DKK4: variants seen among roughly 807,000 people sequenced by gnomAD.
DKK4 encodes the protein dickkopf-related protein 4.
A neutral mutation model predicts 14.5 loss-of-function variants in DKK4; 15 were observed. The ratio of observed to expected loss-of-function variants is 1.03; its 90% CI spans 0.69 to 1.59. The LOEUF (loss-of-function observed/expected upper bound fraction) is 1.59, where lower values mean the gene tolerates loss of function less well. Among genes scored for constraint, DKK4 ranks in the 40% most tolerant of loss-of-function variants. The probability of loss-of-function intolerance (pLI) is 0.00; values close to 1 mark genes in which losing one functional copy is unlikely to be tolerated. For missense variants in DKK4, 272 were observed against 280.3 expected, an observed-to-expected ratio of 0.97 and a Z score of 0.21; for synonymous variants, 89 against 105.2, an observed-to-expected ratio of 0.85 and a Z score of 0.94.
the DKK4 span, among the ~76,000 whole-genome samples, chr8:42,385,037 G>A: frequency 3.3e-5 from 5 of 152,192 alleles, no homozygotes; most frequent in South Asian, 2.1e-4. Context: ...TAACATAGCT[G>A]TGTGTGGTAT....
the DKK4 span, among the ~76,000 whole-genome samples, chr8:42,387,093 T>C: frequency 3.9e-4 from 60 of 152,288 alleles, no homozygotes; most frequent in African/African-American, 1.4e-3. Flanking sequence ...CTGAGCACTG[T>C]CATTGTGCCC....
intron 1 of DKK4, among the ~76,000 whole-genome samples, chr8:42,376,268 G>A (rs1464680211): frequency 1.3e-5 from 2 of 152,096 alleles, no homozygotes; most frequent in African/African-American, 2.4e-5. Context: ...CCTTCCCTAA[G>A]TGAACTGTCC....
At chr8:42,387,589 A>G in the DKK4 span, among the ~76,000 whole-genome samples, 2 of 151,854 alleles carry the variant, frequency 1.3e-5, no homozygotes, top group Admixed American at 6.6e-5. Flanking sequence ...CAAACTCCTG[A>G]CCTCAGGTGA....
At chr8:42,378,733 AAC>A (rs1478402930), upstream of DKK4, among the ~76,000 whole-genome samples, 1 of 152,032 alleles carries the variant, frequency 6.6e-6, no homozygotes, top group South Asian at 2.1e-4. Flanking sequence ...GAACTCCTGT[AAC>A]ACGGCACAAA....
upstream of DKK4, among the ~76,000 whole-genome samples, chr8:42,381,455 A>C (rs939311089): frequency 6.6e-6 from 1 of 152,192 alleles, no homozygotes; most frequent in African/African-American, 2.4e-5. Context: ...GAGTGGGTGC[A>C]AGCACCAGAT....
At chr8:42,377,891 A>G (rs1824593486), upstream of DKK4, among the ~76,000 whole-genome samples, 1 of 152,212 alleles carries the variant, frequency 6.6e-6, no homozygotes, top group African/African-American at 2.4e-5. Context: ...CCATTTTTCA[A>G]TGGTGGGAAC....
chr8:42,376,893 G>A, intron 1 of DKK4, 42 bp downstream of exon 1: 1 of 1,516,504 alleles, frequency 6.6e-7, no homozygotes, highest in South Asian at 1.1e-5. Flanking sequence ...CACCCCAGCT[G>A]TCAGCAGTCC....
At position 42,375,554 on chromosome 8, in the gene DKK4, A is replaced by G. The variant is rs989906215; in HGVS notation, c.262+126T>C. The G allele has an allele frequency of 3.3e-6, 4 of 1,205,854 alleles. No individual in the cohort carries two copies. In the African/African-American group the frequency reaches 4.6e-5, roughly 14 times the overall value. The allele number at this position is 1,205,854 out of a possible 1,614,324, so 74.7% of individuals were successfully genotyped here. Reference sequence around the variant, plus strand: ...AAAAAGGAAAAGAAAAGGCAGCTGCATACATTTACTTCAAGCATGAATCTA... The same window carrying G: ...AAAAAGGAAAAGAAAAGGCAGCTGCGTACATTTACTTCAAGCATGAATCTA... On this transcript the variant is annotated intron_variant, in intron 2 of 3. Coordinates refer to ENST00000220812, the MANE Select transcript of DKK4 (RefSeq NM_014420.3).
chr8:42,385,248 C>T, the DKK4 span, among the ~76,000 whole-genome samples: 1 of 151,930 alleles, frequency 6.6e-6, no homozygotes, highest in Admixed American at 6.6e-5. Context: ...AAAAATTAGC[C>T]TGGTGTGGTG....
the DKK4 span, among the ~76,000 whole-genome samples, chr8:42,382,636 A>G: frequency 6.6e-6 from 1 of 152,174 alleles, no homozygotes; most frequent in Non-Finnish European, 1.5e-5. Context: ...CCACAGAACA[A>G]AGGAAGCCGT....
At chr8:42,377,329 A>C, upstream of DKK4, 1 of 372,734 alleles carries the variant, frequency 2.7e-6, no homozygotes, top group Non-Finnish European at 4.9e-6. Context: ...AATCCCTTCA[A>C]ATCTGTTTGA....
chr8:42,389,561 C>T, the DKK4 span, among the ~76,000 whole-genome samples: 6 of 152,194 alleles, frequency 3.9e-5, no homozygotes, highest in African/African-American at 1.2e-4. Flanking sequence ...TTTCACACAG[C>T]GGTCAAATCT....
chr8:42,388,186 T>G, the DKK4 span, among the ~76,000 whole-genome samples: 9 of 152,218 alleles, frequency 5.9e-5, no homozygotes, highest in African/African-American at 2.2e-4. Flanking sequence ...TGAATAAACG[T>G]GAGTTTTGCC....
At chr8:42,374,682 C>T in intron 3 of DKK4, 79 bp downstream of exon 3, 2 of 1,552,672 alleles carry the variant, frequency 1.3e-6, no homozygotes, top group African/African-American at 2.7e-5. Flanking sequence ...AGAATAAAAT[C>T]AGTCTCACCC....
At chr8:42,379,144 G>C (rs1388453888), upstream of DKK4, among the ~76,000 whole-genome samples, 2 of 149,380 alleles carry the variant, frequency 1.3e-5, 1 homozygote, top group South Asian at 4.2e-4. Flanking sequence ...CCAGCTACTC[G>C]GGAGGCTGAG....
At chr8:42,385,458 A>G in the DKK4 span, among the ~76,000 whole-genome samples, 1 of 152,210 alleles carries the variant, frequency 6.6e-6, no homozygotes, top group African/African-American at 2.4e-5. Context: ...GAAAGTCCTC[A>G]GACACAGCTC....
intron 2 of DKK4, 141 bp downstream of exon 2, chr8:42,375,534 GGAAAA>G (rs935717570): frequency 9.6e-5 from 96 of 996,434 alleles, no homozygotes; most frequent in Admixed American, 4.3e-4. Flanking sequence ...AAAAAAAAAA[GGAAAA>G]GAAAAGGCAG....
chr8:42,386,671 A>G, the DKK4 span, among the ~76,000 whole-genome samples: 2 of 152,140 alleles, frequency 1.3e-5, no homozygotes, highest in Admixed American at 1.3e-4. Context: ...TATTTTTTAT[A>G]GAGATGGGGG....
chr8:42,384,368 C>G, the DKK4 span, among the ~76,000 whole-genome samples: 1 of 152,164 alleles, frequency 6.6e-6, no homozygotes, highest in Admixed American at 6.5e-5. Flanking sequence ...GTCTTGAACT[C>G]TTGGGCTCAA....
Sources: gnomAD v4.1 joint callset for allele counts (sites outside exome capture counted in the v4.1 genomes callset) on GRCh38, gnomAD v4.1.1 for gene constraint, MANE v1.5 for transcripts, NCBI Gene and HGNC (gene_info 2026-07-23, HGNC 2026-07-21) for gene names.